Variants in ADH1A observed in about 807,000 individuals in gnomAD.
ADH1A encodes the protein alcohol dehydrogenase 1A (class I), alpha polypeptide.
A neutral mutation model predicts 35.2 loss-of-function variants in ADH1A; 29 were observed. The observed-to-expected ratio is 0.82, with a 90% CI of 0.61 to 1.12. ADH1A has a LOEUF of 1.12. ADH1A is among the 50% of genes most tolerant of loss of function. ADH1A has a pLI of 0.00. For synonymous variants in ADH1A, 147 were observed against 164.8 expected (o/e 0.89, Z 0.83); for missense variants, 469 against 464.7 (o/e 1.01, Z -0.09).
chr4:99,288,300 T>C (rs1211988148), intron 1 of ADH1A, among the ~76,000 whole-genome samples: 1 of 152,138 alleles, frequency 6.6e-6, no homozygotes, highest in Non-Finnish European at 1.5e-5. Context: ...TCCTTCCAGC[T>C]TTGATTTGAG....
intron 7 of ADH1A, among the ~76,000 whole-genome samples, chr4:99,279,806 T>C (rs1732953750): frequency 6.6e-6 from 1 of 152,156 alleles, no homozygotes; most frequent in Non-Finnish European, 1.5e-5. Flanking sequence ...ACAGATGTTA[T>C]GCCCAAAGGA....
chr4:99,287,740 GTACA>G (rs1264540223), intron 1 of ADH1A, 75 bp from the exon 2 acceptor site: 14 of 1,519,586 alleles, frequency 9.2e-6, no homozygotes, highest in Admixed American at 5.1e-5. Flanking sequence ...TTTCATCTTT[GTACA>G]TACAACATCT....
chr4:99,283,387 C>G (rs1252917067), intron 5 of ADH1A, among the ~76,000 whole-genome samples: 2 of 152,128 alleles, frequency 1.3e-5, no homozygotes, highest in African/African-American at 4.8e-5. Context: ...TTTATTAAAC[C>G]TAGTCTCCCA....
At chr4:99,278,287 A>G (rs564258240) in intron 8 of ADH1A, among the ~76,000 whole-genome samples, 2 of 152,040 alleles carry the variant, frequency 1.3e-5, no homozygotes, top group Non-Finnish European at 2.9e-5. Flanking sequence ...TTTGATGGCT[A>G]CTGTGTTCCA....
In ADH1A at chr4:99,290,890, T is replaced by G; in HGVS notation, c.18+7A>C. The G allele has an allele frequency of 1.2e-6, 2 of 1,613,310 alleles. No homozygotes were observed. The highest frequency in any genetic ancestry group is 1.7e-6 in the Non-Finnish European group (2 of 1,179,232). Reference sequence around the variant, plus strand: ...ATAGTTCCAACAGTAATATATTTTTTGCTTACTTTTCCTGCTGTGCTCATG... The same window carrying G: ...ATAGTTCCAACAGTAATATATTTTTGGCTTACTTTTCCTGCTGTGCTCATG... On this transcript the variant is annotated splice_region_variant and intron_variant, in intron 1 of 8. Coordinates refer to ENST00000209668, the MANE Select transcript of ADH1A (RefSeq NM_000667.4).
At position 99,290,317 on chromosome 4, in the gene ADH1A, C is replaced by A. The variant is rs1268614063; in HGVS notation, c.18+580G>T. 2.0e-5 allele frequency among the ~76,000 whole-genome samples: 3 copies of A among 152,100 alleles called. 1 individual carries two copies. The highest frequency in any genetic ancestry group is 4.1e-4 in the South Asian group (2 of 4,832). On this transcript the variant is annotated intron_variant, in intron 1 of 8. Coordinates refer to ENST00000209668, the MANE Select transcript of ADH1A (RefSeq NM_000667.4). ...ACTCTGGAAATTGCCTGAATTGTGT[C>A]CTACTAGACCCTTTTAAATCAGAAT...
At chr4:99,290,823 C>T (rs1733270598) in intron 1 of ADH1A, 74 bp downstream of exon 1, 2 of 1,438,698 alleles carry the variant, frequency 1.4e-6, no homozygotes, top group South Asian at 1.2e-5. Flanking sequence ...TTAAATGATT[C>T]ATCAAATACT....
Position 99,280,347 on chromosome 4 carries a change from A to G in ADH1A, c.829-68T>C. The G allele has an allele frequency of 3.1e-6, 5 of 1,602,598 alleles. No homozygotes were observed. In the South Asian group the frequency reaches 4.4e-5, roughly 14 times the overall value. ...ATAGTTCCTATTCATAATGCACAAT[A>G]TCATGTAATAGGCTTAACTGGATTG... On this transcript the variant is annotated intron_variant, in intron 6 of 8. Transcript: ENST00000209668.
chr4:99,288,403 A>G (rs1237506767), intron 1 of ADH1A, among the ~76,000 whole-genome samples: 2 of 152,006 alleles, frequency 1.3e-5, no homozygotes, highest in Non-Finnish European at 2.9e-5. Flanking sequence ...ACATATTTCA[A>G]AATTGGAGAC....
At chr4:99,289,718 G>T (rs1180718815) in intron 1 of ADH1A, among the ~76,000 whole-genome samples, 1 of 152,120 alleles carries the variant, frequency 6.6e-6, no homozygotes, top group Non-Finnish European at 1.5e-5. Flanking sequence ...TGCCCAAGAG[G>T]GGAGGCAATT....
chr4:99,287,464 A>G (rs1733180982), intron 2 of ADH1A, 100 bp downstream of exon 2: 1 of 1,151,606 alleles, frequency 8.7e-7, no homozygotes, highest in South Asian at 1.5e-5. Context: ...CAACAAGTAT[A>G]TTCTATTTTC....
chr4:99,279,346 C>T, intron 8 of ADH1A, 80 bp downstream of exon 8: 2 of 1,498,406 alleles, frequency 1.3e-6, no homozygotes, highest in East Asian at 4.7e-5. Context: ...TTTTCTCATC[C>T]TTCCACCTTT....
chr4:99,280,115 G>C (rs768211584), intron 7 of ADH1A, 29 bp downstream of exon 7: 3 of 1,613,528 alleles, frequency 1.9e-6, no homozygotes, highest in Non-Finnish European at 2.5e-6. Context: ...AGGTTAATGA[G>C]AATTTGGCTC....
At chr4:99,281,413 T>C (rs926051428) in intron 6 of ADH1A, among the ~76,000 whole-genome samples, 3 of 152,192 alleles carry the variant, frequency 2.0e-5, no homozygotes, top group African/African-American at 7.2e-5. Context: ...ATGATGTAAG[T>C]ACTGCAAGAT....
At chr4:99,289,969 A>G (rs959038463) in intron 1 of ADH1A, among the ~76,000 whole-genome samples, 3 of 152,180 alleles carry the variant, frequency 2.0e-5, no homozygotes, top group African/African-American at 7.2e-5. Context: ...GTTTTGTCAC[A>G]GAGTGTATAG....
chr4:99,285,915 G>A (rs1447333715), intron 3 of ADH1A, among the ~76,000 whole-genome samples: 1 of 151,600 alleles, frequency 6.6e-6, no homozygotes, highest in East Asian at 1.9e-4. Flanking sequence ...CCAGATACCC[G>A]GTAGGCTGAG....
intron 3 of ADH1A, among the ~76,000 whole-genome samples, chr4:99,286,021 CAAAAAAA>C (rs397938892): frequency 1.2e-5 from 1 of 85,276 alleles, no homozygotes; most frequent in South Asian, 5.3e-4. Context: ...GACTCCGTCT[CAAAAAAA>C]AAAAAAAAAA....
At chr4:99,286,116 T>C (rs747851203) in intron 3 of ADH1A, among the ~76,000 whole-genome samples, 158 of 149,694 alleles carry the variant, frequency 1.1e-3, no homozygotes, top group Non-Finnish European at 1.8e-3. Flanking sequence ...CCAAGAAAAA[T>C]GGTTGGCCCA....
chr4:99,290,756 T>G, intron 1 of ADH1A, 141 bp downstream of exon 1: 1 of 852,524 alleles, frequency 1.2e-6, no homozygotes, highest in Non-Finnish European at 1.9e-6. Context: ...CATTACATAT[T>G]ATAGCATATA....
Sources: gnomAD v4.1 joint callset for allele counts (sites outside exome capture counted in the v4.1 genomes callset) on GRCh38, gnomAD v4.1.1 for gene constraint, MANE v1.5 for transcripts, NCBI Gene and HGNC (gene_info 2026-07-23, HGNC 2026-07-21) for gene names.